The following PRKCD variants were observed in gnomAD, a reference collection of about 807,000 sequenced individuals.
PRKCD encodes protein kinase C delta.
A neutral mutation model predicts 82.2 loss-of-function variants in PRKCD; 20 were observed. The observed-to-expected ratio is 0.24, with a 90% confidence interval of 0.17 to 0.35. The LOEUF (loss-of-function observed/expected upper bound fraction) is 0.35, where lower values mean the gene tolerates loss of function less well. Ranked by LOEUF, PRKCD falls within the 10% of genes least tolerant of loss-of-function variation. The pLI, the probability that PRKCD is intolerant of heterozygous loss-of-function variation, is 1.00. For missense variants in PRKCD, 607 were observed against 899.0 expected (o/e 0.68, Z 4.15); for synonymous variants, 317 against 337.0 (o/e 0.94, Z 0.65).
chr3:53,171,256 A>G (rs1703018972), intron 2 of PRKCD, among the ~76,000 whole-genome samples: 1 of 152,070 alleles, frequency 6.6e-6, no homozygotes, highest in Admixed American at 6.5e-5. Flanking sequence ...AGGACTCCTC[A>G]TATCCTAGGG....
At chr3:53,183,302 C>A in intron 8 of PRKCD, 96 bp downstream of exon 8, 1 of 1,562,120 alleles carries the variant, frequency 6.4e-7, no homozygotes, top group Non-Finnish European at 8.8e-7. Context: ...GGAGCTTACC[C>A]TCCCTCCCCA....
intron 2 of PRKCD, among the ~76,000 whole-genome samples, chr3:53,166,911 G>A (rs1553663950): frequency 2.6e-5 from 4 of 152,274 alleles, no homozygotes; most frequent in African/African-American, 9.6e-5. Flanking sequence ...AGCTGTGCCA[G>A]CACTGTGTGC....
Position 53,192,395 on chromosome 3 carries a change from C to T in PRKCD, c.*129C>T. 1.8e-6 allele frequency: 2 copies of T among 1,118,764 alleles called. No homozygotes were observed. Among genetic ancestry groups the T allele is most frequent in the Non-Finnish European group, 2.6e-6 (2 of 772,274 alleles). 69.3% of individuals were successfully genotyped at this position (1,118,764 alleles called of 1,614,324 possible). A position where few individuals can be genotyped will look rare whatever the true frequency, so the allele number is the denominator to read the frequency against. ...CCTGCCCCCAGAGCGTCCTTGGCTG[C>T]CGTCTGGCCGGGCTCTCATGGTACT... On this transcript the variant is annotated 3_prime_UTR_variant, in exon 19 of 19. Transcript: ENST00000330452.
chr3:53,178,349 G>C, intron 2 of PRKCD, 55 bp from the exon 3 acceptor site: 1 of 1,238,540 alleles, frequency 8.1e-7, no homozygotes, highest in Middle Eastern at 2.7e-4. Context: ...TGCTGCCCGT[G>C]ACTGTTCCCG....
rs2107263484 is a variant in PRKCD at position 53,181,733 on chromosome 3, G to GT, written c.571+2dup. ...AACAAGCAAGGCTACAAATGCAGGC[G>GT]TAAGTGTCTCCACAGGCCAGTTTGT... is the stretch of plus-strand genomic sequence containing the variant. On this transcript the variant is annotated splice_donor_variant, in intron 7 of 18. Transcript: ENST00000330452. LOFTEE classifies it high-confidence loss of function. 6.2e-7 allele frequency: 1 copy of GT among 1,614,130 alleles called. No individual in the cohort carries two copies. Among genetic ancestry groups the GT allele is most frequent in the Non-Finnish European group, 8.5e-7 (1 of 1,179,968 alleles).
At chr3:53,172,913 AGGGGTG>A (rs1296710962) in intron 2 of PRKCD, among the ~76,000 whole-genome samples, 2 of 152,130 alleles carry the variant, frequency 1.3e-5, no homozygotes, top group Non-Finnish European at 2.9e-5. Flanking sequence ...ACACCAGGGA[AGGGGTG>A]GGGTGGAGGG....
chr3:53,187,914 C>T (rs1703768848), intron 15 of PRKCD, among the ~76,000 whole-genome samples: 1 of 152,104 alleles, frequency 6.6e-6, no homozygotes, highest in African/African-American at 2.4e-5. Context: ...AGACTGAGCG[C>T]GATGGCTCAC....
At chr3:53,185,086 ACT>A in intron 10 of PRKCD, 112 bp downstream of exon 10, 1 of 940,154 alleles carries the variant, frequency 1.1e-6, no homozygotes, top group Non-Finnish European at 1.6e-6. Flanking sequence ...TAGACCCAGG[ACT>A]CTACTTCGGG....
intron 3 of PRKCD, 21 bp downstream of exon 3, chr3:53,178,558 C>T (rs2306571): frequency 1.3e-6 from 2 of 1,598,424 alleles, no homozygotes; most frequent in Non-Finnish European, 1.7e-6. Context: ...AGGCTGGACC[C>T]TGGAGAGGGG....
intron 18 of PRKCD, among the ~76,000 whole-genome samples, chr3:53,190,697 A>G (rs1703896298): frequency 6.6e-6 from 1 of 152,136 alleles, no homozygotes; most frequent in Non-Finnish European, 1.5e-5. Context: ...CTCTGTGACC[A>G]CAGTTCTTCC....
rs1703663578 is a variant in PRKCD at position 53,185,929 on chromosome 3, A to G, written c.988A>G (p.Asn330Asp). Residue 330 changes from asparagine to aspartate, a missense_variant and splice_region_variant, in exon 12 of 19, where the codon AAC becomes GAC. By Grantham distance (23) the Asn-to-Asp change is conservative. Transcript: ENST00000330452. Reference sequence around the variant, plus strand: ...AGGAGGTGCCATCTCTCGGGCAGACAACAGTGGGACCTACGGCAAGATCTG... The same window carrying G: ...AGGAGGTGCCATCTCTCGGGCAGACGACAGTGGGACCTACGGCAAGATCTG... The part of the protein sequence containing the change: ...TGVAGEDMQD[N>D]SGTYGKIWEG... 1 of 1,614,046 alleles carries G rather than the reference A, an allele frequency of 6.2e-7. No individual in the cohort carries two copies. The highest frequency in any genetic ancestry group is 1.3e-5 in the African/African-American group (1 of 74,922).
chr3:53,175,484 G>C (rs1872035), intron 2 of PRKCD, among the ~76,000 whole-genome samples: 9 of 151,912 alleles, frequency 5.9e-5, no homozygotes, highest in Admixed American at 2.0e-4. Context: ...GAAATGGGGG[G>C]GCTGAGGCTC....
Position 53,169,025 on chromosome 3 carries a change from G to T in PRKCD, c.-20+3810G>T, listed in dbSNP as rs1553664369. Reference sequence around the variant, plus strand: ...AGGATGGAGAGCAGTCAGAAGACAGGTGCAGAGCCTGGGGATGGTGGTGGT... The same window carrying T: ...AGGATGGAGAGCAGTCAGAAGACAGTTGCAGAGCCTGGGGATGGTGGTGGT... On this transcript the variant is annotated intron_variant, in intron 2 of 18. Transcript: ENST00000330452. The surrounding 1 kb of genome is among the most constrained non-coding windows in gnomAD (Gnocchi z 4.7). 6.6e-6 allele frequency among the ~76,000 whole-genome samples: 1 copy of T among 152,116 alleles called. No homozygotes were observed. The highest frequency in any genetic ancestry group is 1.5e-5 in the Non-Finnish European group (1 of 68,020).
chr3:53,173,325 A>G (rs1575528505), intron 2 of PRKCD, among the ~76,000 whole-genome samples: 1 of 152,124 alleles, frequency 6.6e-6, no homozygotes, highest in Non-Finnish European at 1.5e-5. Context: ...ACTGGCTGGG[A>G]ACAGGTTTCC....
At chr3:53,179,885 C>A (rs782127740) in intron 4 of PRKCD, 109 bp downstream of exon 4, 11 of 1,363,976 alleles carry the variant, frequency 8.1e-6, no homozygotes, top group Non-Finnish European at 1.1e-5. Flanking sequence ...GTGAGCACAG[C>A]TGAAGAGCAC....
At chr3:53,170,343 C>T (rs1170205425) in intron 2 of PRKCD, among the ~76,000 whole-genome samples, 1 of 152,250 alleles carries the variant, frequency 6.6e-6, no homozygotes, top group Non-Finnish European at 1.5e-5. Context: ...ATTGCTCAAC[C>T]TCTCTTTCGG....
chr3:53,189,747 C>G, intron 17 of PRKCD, 126 bp from the exon 18 acceptor site: 1 of 1,376,934 alleles, frequency 7.3e-7, no homozygotes, highest in Middle Eastern at 2.6e-4. Context: ...CTCAGCCCCA[C>G]CGTTCCCCAG....
rs1702958379 is a variant in PRKCD at position 53,169,832 on chromosome 3, T to A, written c.-20+4617T>A. ...CTTAACAGAGCCTCTTTTCCCACTT[T>A]CCAAGGAAGTCTGGAAGACACCAGA... On this transcript the variant is annotated intron_variant, in intron 2 of 18. Transcript: ENST00000330452. This position sits in a 1 kb window ranked among gnomAD's most constrained non-coding sequence, Gnocchi z 4.7. Among the ~76,000 whole-genome samples, 3 of 152,180 alleles carry A rather than the reference T, an allele frequency of 2.0e-5. No homozygotes were observed. The South Asian group carries it at 6.2e-4, about 31-fold the overall frequency.
intron 15 of PRKCD, 22 bp from the exon 16 acceptor site, chr3:53,188,698 C>CT (rs782820202): frequency 1.9e-6 from 3 of 1,613,818 alleles, no homozygotes; most frequent in Non-Finnish European, 2.5e-6. Flanking sequence ...CCTGCTGACT[C>CT]TTACCTGTCC....
Sources: gnomAD v4.1 joint callset for allele counts (sites outside exome capture counted in the v4.1 genomes callset) on GRCh38, gnomAD v4.1.1 for gene constraint, Gnocchi (gnomAD v3.1) non-coding constraint, MANE v1.5 for transcripts, NCBI Gene and HGNC (gene_info 2026-07-23, HGNC 2026-07-21) for gene names.